The following SYN3 variants were observed in gnomAD, a reference collection of about 807,000 sequenced individuals.
SYN3 encodes the protein synapsin III.
SYN3 carries 35 observed loss-of-function variants against 65.8 expected under a neutral mutation model. That is an observed-to-expected ratio of 0.53 (90% CI 0.41 to 0.70). The LOEUF is 0.70. Among genes scored for constraint, SYN3 ranks in the 30% least tolerant of loss-of-function variants. The pLI is 0.00. For synonymous variants in SYN3, 270 were observed against 292.9 expected (o/e 0.92, Z 0.80); for missense variants, 680 against 749.0 (o/e 0.91, Z 1.08).
chr22:32,744,555 A>G (rs556219441), intron 6 of SYN3, among the ~76,000 whole-genome samples: 1 of 152,178 alleles, frequency 6.6e-6, no homozygotes, highest in Non-Finnish European at 1.5e-5. Flanking sequence ...TCCTCTCCTT[A>G]TCTTCATTTC....
intron 3 of SYN3, among the ~76,000 whole-genome samples, chr22:32,975,452 G>A (rs1302671146): frequency 1.3e-5 from 2 of 151,652 alleles, no homozygotes; most frequent in Admixed American, 6.6e-5. Context: ...GCTTAAGGTC[G>A]TCAGTCATCA....
At chr22:32,622,799 C>T (rs1041924060) in intron 6 of SYN3, among the ~76,000 whole-genome samples, 11 of 150,340 alleles carry the variant, frequency 7.3e-5, no homozygotes, top group African/African-American at 2.5e-4. Context: ...CTTCAAGCTT[C>T]GTTTTCTTAA....
intron 6 of SYN3, among the ~76,000 whole-genome samples, chr22:32,614,249 G>A (rs1243087782): frequency 1.3e-5 from 2 of 152,236 alleles, no homozygotes; most frequent in African/African-American, 4.8e-5. Flanking sequence ...GGCTTCCGTG[G>A]TAGAGGCTGG....
intron 2 of SYN3, among the ~76,000 whole-genome samples, chr22:32,984,192 G>C: frequency 8.7e-6 from 1 of 114,602 alleles, no homozygotes; most frequent in East Asian, 2.8e-4. Flanking sequence ...AAAAGAAAAA[G>C]AAAAGAAAAA....
At chr22:32,948,732 G>C (rs10222305) in intron 3 of SYN3, among the ~76,000 whole-genome samples, 1 of 37,060 alleles carries the variant, frequency 2.7e-5, no homozygotes, top group Non-Finnish European at 7.2e-5. Flanking sequence ...GTGAGACTCC[G>C]TCTCAATAAA....
chr22:32,631,994 G>T (rs2059753395), intron 6 of SYN3, among the ~76,000 whole-genome samples: 1 of 152,198 alleles, frequency 6.6e-6, no homozygotes, highest in Non-Finnish European at 1.5e-5. Flanking sequence ...ACAAGACAGA[G>T]AGTGAAGAGC....
intron 6 of SYN3, among the ~76,000 whole-genome samples, chr22:32,836,213 G>A (rs1199078030): frequency 6.6e-6 from 1 of 152,214 alleles, no homozygotes; most frequent in Non-Finnish European, 1.5e-5. Context: ...AAGTGTGTCT[G>A]TCTTGTTCAC....
intron 1 of SYN3, among the ~76,000 whole-genome samples, chr22:33,053,898 C>G (rs1201903499): frequency 6.6e-6 from 1 of 152,160 alleles, no homozygotes; most frequent in Non-Finnish European, 1.5e-5. Flanking sequence ...TGTGAATACT[C>G]AATCATGACC....
intron 6 of SYN3, among the ~76,000 whole-genome samples, chr22:32,835,774 G>T (rs1229884937): frequency 1.3e-5 from 2 of 152,208 alleles, no homozygotes; most frequent in African/African-American, 4.8e-5. Context: ...CCCTTTGTCT[G>T]CAAGCCAAGG....
intron 6 of SYN3, among the ~76,000 whole-genome samples, chr22:32,759,340 T>C (rs2045386292): frequency 1.3e-5 from 2 of 152,138 alleles, no homozygotes; most frequent in African/African-American, 2.4e-5. Context: ...CATGGGGCTC[T>C]TGAAAGGACC....
At chr22:32,865,189 C>A (rs1043552944) in intron 5 of SYN3, among the ~76,000 whole-genome samples, 185 bp from the exon 6 acceptor site, 9 of 152,174 alleles carry the variant, frequency 5.9e-5, no homozygotes, top group African/African-American at 1.9e-4. Flanking sequence ...CATCATCTAG[C>A]CATATTAACC....
intron 7 of SYN3, among the ~76,000 whole-genome samples, chr22:32,552,165 G>C (rs575228325): frequency 1.2e-4 from 18 of 152,326 alleles, no homozygotes; most frequent in African/African-American, 3.1e-4. Context: ...AGAATCGCTT[G>C]AACCCGGGAG....
chr22:32,934,351 A>C (rs2050717097), intron 3 of SYN3, among the ~76,000 whole-genome samples: 1 of 152,184 alleles, frequency 6.6e-6, no homozygotes, highest in African/African-American at 2.4e-5. Flanking sequence ...CCTGGAGAGA[A>C]GTCACACTCA....
intron 1 of SYN3, among the ~76,000 whole-genome samples, chr22:33,011,977 C>T (rs2053361858): frequency 6.6e-6 from 1 of 152,076 alleles, no homozygotes. Flanking sequence ...AATTGTATTA[C>T]TCTTGCAGGG....
At chr22:32,581,770 CT>C (rs1161304376) in intron 7 of SYN3, among the ~76,000 whole-genome samples, 10 of 140,890 alleles carry the variant, frequency 7.1e-5, no homozygotes, top group Admixed American at 2.2e-4. Context: ...TTTTCTTTTT[CT>C]TTTCTTTTCT....
At chr22:32,842,048 G>T (rs5998645) in intron 6 of SYN3, among the ~76,000 whole-genome samples, 1 of 152,086 alleles carries the variant, frequency 6.6e-6, no homozygotes, top group Non-Finnish European at 1.5e-5. Flanking sequence ...GGAGAGGTTA[G>T]GGGGGAGGCT....
intron 6 of SYN3, among the ~76,000 whole-genome samples, chr22:32,722,153 A>G (rs1170825489): frequency 6.6e-6 from 1 of 152,164 alleles, no homozygotes; most frequent in African/African-American, 2.4e-5. Context: ...GAAGCCATAG[A>G]GGGTTTTAAG....
intron 6 of SYN3, among the ~76,000 whole-genome samples, chr22:32,635,953 A>G (rs988908542): frequency 1.3e-5 from 2 of 152,334 alleles, no homozygotes; most frequent in African/African-American, 2.4e-5. Context: ...GGAACAAAAC[A>G]AGATTTTTTG....
intron 1 of SYN3, among the ~76,000 whole-genome samples, chr22:33,032,080 G>A (rs2053765151): frequency 6.6e-6 from 1 of 151,628 alleles, no homozygotes; most frequent in Admixed American, 6.6e-5. Flanking sequence ...CGTGGTGGCG[G>A]GCGCCTGTAG....
Sources: allele counts gnomAD v4.1 joint callset (sites outside exome capture counted in the v4.1 genomes callset), GRCh38; gene constraint gnomAD v4.1.1; transcripts MANE v1.5; gene names NCBI Gene and HGNC (gene_info 2026-07-23, HGNC 2026-07-21).